The following VRK2 variants were observed in gnomAD, a reference collection of about 807,000 sequenced individuals.
VRK2 encodes the protein serine/threonine-protein kinase VRK2.
VRK2 carries 60 observed loss-of-function variants against 57.6 expected under a neutral mutation model. The observed-to-expected ratio is 1.04, with a 90% CI of 0.85 to 1.29. The LOEUF is 1.29. Ranked by LOEUF, VRK2 falls within the 50% of genes most tolerant of loss-of-function variation. The pLI is 0.00. For synonymous variants in VRK2, 231 were observed against 199.2 expected (o/e 1.16, Z -1.35); for missense variants, 705 against 588.1 (o/e 1.20, Z -2.06).
At chr2:58,076,106 CT>C (rs71394406) in intron 2 of VRK2, among the ~76,000 whole-genome samples, 42,753 of 121,632 alleles carry the variant, frequency 0.35, 8,724 homozygotes, top group African/African-American at 0.66. Context: ...CTACTGTCTT[CT>C]TTTTTTTTTT....
chr2:58,135,250 AT>A, intron 10 of VRK2, 51 bp downstream of exon 10: 3 of 1,601,520 alleles, frequency 1.9e-6, no homozygotes, highest in Non-Finnish European at 2.6e-6. Flanking sequence ...AGGTTGCCAC[AT>A]TTGTCGTTAT....
At chr2:57,975,746 T>C (rs1672230945) in intron 1 of VRK2, among the ~76,000 whole-genome samples, 1 of 151,750 alleles carries the variant, frequency 6.6e-6, no homozygotes. Flanking sequence ...CCATATTTGG[T>C]TTTCTCTCTC....
chr2:58,082,263 T>A (rs1156565511), intron 2 of VRK2, among the ~76,000 whole-genome samples: 3 of 151,946 alleles, frequency 2.0e-5, no homozygotes, highest in African/African-American at 4.8e-5. Context: ...GGCCTTGGAC[T>A]GGTTGGACAT....
chr2:58,091,748 G>A (rs1050165346), intron 7 of VRK2, among the ~76,000 whole-genome samples: 1 of 151,810 alleles, frequency 6.6e-6, no homozygotes, highest in Admixed American at 6.6e-5. Flanking sequence ...TGATCGAAAA[G>A]AATGAATAAA....
chr2:57,956,529 C>T (rs1326052926), intron 1 of VRK2, among the ~76,000 whole-genome samples: 1 of 152,172 alleles, frequency 6.6e-6, no homozygotes, highest in East Asian at 1.9e-4. Context: ...CTCTAATTCT[C>T]TTACTTTTTC....
intron 7 of VRK2, among the ~76,000 whole-genome samples, chr2:58,116,244 G>C (rs538040250): frequency 6.6e-6 from 1 of 152,118 alleles, no homozygotes; most frequent in African/African-American, 2.4e-5. Context: ...GGAGGGAGTA[G>C]AGGTATCTTA....
intron 1 of VRK2, among the ~76,000 whole-genome samples, chr2:57,957,894 C>T (rs1233955160): frequency 6.6e-6 from 1 of 152,094 alleles, no homozygotes; most frequent in Non-Finnish European, 1.5e-5. Context: ...AATAGACTAT[C>T]ACTGCTGCCA....
intron 2 of VRK2, among the ~76,000 whole-genome samples, chr2:58,055,154 G>A (rs561399156): frequency 9.9e-5 from 15 of 152,214 alleles, no homozygotes; most frequent in Admixed American, 6.5e-4. Context: ...CTTTTGCTGC[G>A]TTCTGCATGC....
In VRK2 at chr2:58,146,384, C is replaced by A. The variant is rs755265490; in HGVS notation, c.1092C>A (p.Val364=). The change falls in exon 12 of 13, where the codon GTC becomes GTA. Residue 364 remains valine, a synonymous_variant. Transcript: ENST00000340157. The stretch of plus-strand genomic sequence containing the variant: ...ACAATAGGTTAATCGAAAAAAAAGT[C>A]CACAGTGAGAGAAGCGCTGAGTCCT... ...KAHNRLIEKK[V]HSERSAESCA... The A allele has an allele frequency of 1.9e-6, 3 of 1,611,478 alleles. No individual in the cohort carries two copies. The African/African-American group carries it at 4.0e-5, about 22-fold the overall frequency.
chr2:58,071,017 G>A (rs938932614), intron 2 of VRK2, among the ~76,000 whole-genome samples: 1 of 152,094 alleles, frequency 6.6e-6, no homozygotes, highest in Non-Finnish European at 1.5e-5. Flanking sequence ...TAATAGATGT[G>A]TAGTTGTATC....
At chr2:58,069,073 C>T (rs540399836) in intron 2 of VRK2, among the ~76,000 whole-genome samples, 9 of 152,050 alleles carry the variant, frequency 5.9e-5, no homozygotes, top group African/African-American at 1.4e-4. Context: ...TCTTTGTATG[C>T]CTAGTAACTC....
At chr2:58,143,829 T>C (rs1403061357) in intron 11 of VRK2, among the ~76,000 whole-genome samples, 1 of 151,748 alleles carries the variant, frequency 6.6e-6, no homozygotes, top group African/African-American at 2.4e-5. Context: ...ACAACCTAAG[T>C]GTGTGTCAAT....
intron 1 of VRK2, among the ~76,000 whole-genome samples, chr2:57,921,264 T>C (rs1157389491): frequency 6.7e-6 from 1 of 150,030 alleles, no homozygotes; most frequent in Admixed American, 6.7e-5. Flanking sequence ...TAAAAGTACC[T>C]GCCCAGGTAA....
intron 1 of VRK2, 144 bp downstream of exon 1, chr2:58,047,012 G>C (rs1014986148): frequency 1.0e-6 from 1 of 977,034 alleles, no homozygotes; most frequent in Non-Finnish European, 1.2e-6. Context: ...CCTCAGCTCC[G>C]GCCCGGGCAG....
At chr2:58,022,954 G>A (rs1673808557) in intron 1 of VRK2, among the ~76,000 whole-genome samples, 1 of 152,116 alleles carries the variant, frequency 6.6e-6, no homozygotes, top group Admixed American at 6.5e-5. Context: ...TAATTACAGA[G>A]GTTGTTTTAC....
intron 10 of VRK2, among the ~76,000 whole-genome samples, chr2:58,139,242 T>C (rs1680974755): frequency 6.6e-6 from 1 of 152,154 alleles, no homozygotes; most frequent in Non-Finnish European, 1.5e-5. Context: ...TTGCAGTTTT[T>C]TTCCTTAGAA....
At chr2:58,040,279 C>A (rs1293646192) in intron 3 of VRK2, among the ~76,000 whole-genome samples, 6 of 152,102 alleles carry the variant, frequency 3.9e-5, no homozygotes, top group Admixed American at 6.6e-5. Flanking sequence ...CCTGAAATAA[C>A]AAGGAGTCTT....
chr2:58,007,331 A>C (rs1399793484), intron 1 of VRK2, among the ~76,000 whole-genome samples: 4 of 151,750 alleles, frequency 2.6e-5, no homozygotes, highest in Admixed American at 1.3e-4. Flanking sequence ...ATCGTGGCTA[A>C]CAGAACGAAT....
intron 1 of VRK2, among the ~76,000 whole-genome samples, chr2:57,944,031 G>T (rs1671178384): frequency 6.6e-6 from 1 of 152,156 alleles, no homozygotes; most frequent in Admixed American, 6.5e-5. Flanking sequence ...CTCATAGAGT[G>T]TAGTTTGCTG....
Sources: gnomAD v4.1 joint callset for allele counts (sites outside exome capture counted in the v4.1 genomes callset) on GRCh38, gnomAD v4.1.1 for gene constraint, MANE v1.5 for transcripts, NCBI Gene and HGNC (gene_info 2026-07-23, HGNC 2026-07-21) for gene names.